Variants in ABHD6 observed in about 807,000 individuals in gnomAD.
ABHD6 encodes the protein abhydrolase domain containing 6, acylglycerol lipase.
Under a neutral mutation model 38.8 loss-of-function variants are expected in ABHD6, and 33 were observed. The ratio of observed to expected loss-of-function variants is 0.85; its 90% confidence interval spans 0.64 to 1.14. The LOEUF (loss-of-function observed/expected upper bound fraction) is 1.14. ABHD6 is among the 50% of genes most tolerant of loss of function. The probability of loss-of-function intolerance (pLI) is 0.00; values close to 1 mark genes in which losing one functional copy is unlikely to be tolerated. For synonymous variants in ABHD6, 147 were observed against 161.6 expected (o/e 0.91, Z 0.69); for missense variants, 380 against 422.6 (o/e 0.90, Z 0.88).
intron 1 of ABHD6, among the ~76,000 whole-genome samples, chr3:58,241,351 G>A (rs1325054869): frequency 6.6e-6 from 1 of 152,110 alleles, no homozygotes; most frequent in African/African-American, 2.4e-5. Context: ...GGCCACTTGG[G>A]GTGTTGCTGC....
At chr3:58,283,470 C>T (rs1222977465) in intron 7 of ABHD6, among the ~76,000 whole-genome samples, 1 of 152,182 alleles carries the variant, frequency 6.6e-6, no homozygotes, top group African/African-American at 2.4e-5. Flanking sequence ...GTTCTATCCC[C>T]AGACTTTAGC....
At chr3:58,254,944 C>T (rs1326639268) in intron 2 of ABHD6, among the ~76,000 whole-genome samples, 4 of 151,934 alleles carry the variant, frequency 2.6e-5, no homozygotes, top group African/African-American at 9.7e-5. Flanking sequence ...TCTTCAATGC[C>T]TGGCCTCAAG....
In ABHD6 at chr3:58,269,348, T is replaced by G. The variant is rs778512783; in HGVS notation, c.304T>G (p.Cys102Gly). Residue 102 changes from cysteine (C) to glycine (G), a missense_variant, in exon 5 of 10, where the codon TGC (cysteine) becomes GGC (glycine). Physicochemically the swap from Cys to Gly is radical, Grantham distance 159. Coordinates refer to ENST00000478253, the MANE Select transcript of ABHD6 (RefSeq NM_001320126.2). This position sits in a 1 kb window ranked among gnomAD's most constrained non-coding sequence, Gnocchi z 4.4. The stretch of plus-strand genomic sequence containing the variant: ...CCTTCCAAAGAACCTGCACTTGGTC[T>G]GCGTGGACATGCCAGGACATGAGGG... ...KFLPKNLHLV[C>G]VDMPGHEGTT... 9 of 1,613,944 alleles carry G rather than the reference T, an allele frequency of 5.6e-6. No homozygotes were observed. The highest frequency in any genetic ancestry group is 6.8e-6 in the Non-Finnish European group (8 of 1,179,872).
At chr3:58,286,731 T>G (rs1239096783) in intron 9 of ABHD6, among the ~76,000 whole-genome samples, 1 of 150,858 alleles carries the variant, frequency 6.6e-6, no homozygotes, top group Non-Finnish European at 1.5e-5. Context: ...ATATCTGAGC[T>G]TTCAAACATG....
chr3:58,273,640 C>T lies in ABHD6; in HGVS notation c.524-1018C>T, dbSNP rs566568557. On this transcript the variant is annotated intron_variant, in intron 6 of 9. Transcript: ENST00000478253. The surrounding 1 kb of genome is among the most constrained non-coding windows in gnomAD (Gnocchi z 4.8). Reference sequence around the variant, plus strand: ...AACACAGGAACAGAAAACCAAACACCGCATGTTCTCACTCATAAGTGCGAG... The same window carrying T: ...AACACAGGAACAGAAAACCAAACACTGCATGTTCTCACTCATAAGTGCGAG... Among the ~76,000 whole-genome samples the T allele has an allele frequency of 1.2e-4, 19 of 152,192 alleles. No individual in the cohort carries two copies. The highest frequency in any genetic ancestry group is 2.1e-4 in the Non-Finnish European group (14 of 68,008).
intron 7 of ABHD6, among the ~76,000 whole-genome samples, chr3:58,282,547 C>T (rs748759983): frequency 1.3e-5 from 2 of 151,956 alleles, no homozygotes; most frequent in African/African-American, 2.4e-5. Flanking sequence ...GCCTGGGCAA[C>T]GTGGTGAAGC....
At chr3:58,258,033 C>T (rs547721786) in intron 3 of ABHD6, among the ~76,000 whole-genome samples, 1 of 152,236 alleles carries the variant, frequency 6.6e-6, no homozygotes, top group East Asian at 1.9e-4. Flanking sequence ...AAGTGCCTGG[C>T]GCAGTGGCTC....
rs927940067 is a variant in ABHD6 at position 58,254,885 on chromosome 3, T to C, written c.-25-1677T>C. ...ACACACACACACACACACACACACA[T>C]ATATATATATAAAATAGAGATGAGG... On this transcript the variant is annotated intron_variant, in intron 2 of 9. Coordinates refer to ENST00000478253, the MANE Select transcript of ABHD6 (RefSeq NM_001320126.2). 6.0e-4 allele frequency among the ~76,000 whole-genome samples: 87 copies of C among 144,884 alleles called. 1 individual carries two copies. The highest frequency in any genetic ancestry group is 9.5e-4 in the Admixed American group (14 of 14,726).
At chr3:58,241,170 C>T (rs560543631) in intron 1 of ABHD6, among the ~76,000 whole-genome samples, 2 of 152,264 alleles carry the variant, frequency 1.3e-5, no homozygotes, top group East Asian at 3.9e-4. Context: ...TATATGGCCT[C>T]CAGTGTCACT....
chr3:58,245,470 C>T (rs1335038791), intron 1 of ABHD6, among the ~76,000 whole-genome samples: 4 of 151,830 alleles, frequency 2.6e-5, no homozygotes, highest in Non-Finnish European at 2.9e-5. Flanking sequence ...CTGGCCACTT[C>T]ACCTCATTTA....
Position 58,293,891 on chromosome 3 carries a change from G to C in ABHD6, c.*126G>C. 1 of 1,066,904 alleles carries C rather than the reference G, an allele frequency of 9.4e-7. No homozygotes were observed. The highest frequency in any genetic ancestry group is 2.8e-4 in the Middle Eastern group (1 of 3,580). 66.1% of individuals were successfully genotyped at this position (1,066,904 alleles called of 1,614,324 possible). A position where few individuals can be genotyped will look rare whatever the true frequency, so the allele number is the denominator to read the frequency against. Reference sequence around the variant, plus strand: ...AGCGCCAGTGACCCTGAGGAAGCCCGTCCCTTATCCCTGGTATCCACGGTT... The same window carrying C: ...AGCGCCAGTGACCCTGAGGAAGCCCCTCCCTTATCCCTGGTATCCACGGTT... On this transcript the variant is annotated 3_prime_UTR_variant, in exon 10 of 10. Coordinates refer to ENST00000478253, the MANE Select transcript of ABHD6 (RefSeq NM_001320126.2). This position sits in a 1 kb window ranked among gnomAD's most constrained non-coding sequence, Gnocchi z 4.4.
intron 7 of ABHD6, among the ~76,000 whole-genome samples, chr3:58,277,886 C>T (rs1222889797): frequency 2.6e-5 from 4 of 152,074 alleles, no homozygotes; most frequent in Admixed American, 2.6e-4. Context: ...GTTTGTCATT[C>T]GTTCTATTTA....
chr3:58,266,079 G>C lies in ABHD6; in HGVS notation c.120-1110G>C, dbSNP rs893240789. On this transcript the variant is annotated intron_variant, in intron 3 of 9. Transcript: ENST00000478253. The surrounding 1 kb of genome is among the most constrained non-coding windows in gnomAD (Gnocchi z 4.0). ...ATACGCTTGCCTTGCTGTAAGAAGAGCTTTTAAGCTAGCCAATGCTATTAT... is the reference window on the plus strand; with the variant it reads ...ATACGCTTGCCTTGCTGTAAGAAGACCTTTTAAGCTAGCCAATGCTATTAT... 6.6e-6 allele frequency among the ~76,000 whole-genome samples: 1 copy of C among 152,236 alleles called. No individual in the cohort carries two copies. The highest frequency in any genetic ancestry group is 2.4e-5 in the African/African-American group (1 of 41,462).
intron 6 of ABHD6, among the ~76,000 whole-genome samples, chr3:58,274,094 G>T (rs933021254): frequency 1.3e-5 from 2 of 152,126 alleles, no homozygotes; most frequent in African/African-American, 4.8e-5. Context: ...AGGCAGCAGG[G>T]TTGCTGCCCT....
chr3:58,258,453 T>A (rs758006852), intron 3 of ABHD6: 1 of 369,746 alleles, frequency 2.7e-6, no homozygotes, highest in Non-Finnish European at 5.6e-6. Flanking sequence ...TTTCTCCTTG[T>A]TGGAATCAGA....
Position 58,238,938 on chromosome 3 carries a change from G to T in ABHD6, c.-91+1022G>T, listed in dbSNP as rs2097420969. On this transcript the variant is annotated intron_variant, in intron 1 of 9. Transcript: ENST00000478253. The surrounding 1 kb of genome is among the most constrained non-coding windows in gnomAD (Gnocchi z 6.9). ...AGCTGACATAGAATAAGCAAATCTT[G>T]TGTGCCAGGCCCTGTCCTAAGCCCC... Among the ~76,000 whole-genome samples, 1 of 151,992 alleles carries T rather than the reference G, an allele frequency of 6.6e-6. No individual in the cohort carries two copies. Among genetic ancestry groups the T allele is most frequent in the South Asian group, 2.1e-4 (1 of 4,816 alleles).
At chr3:58,292,052 G>C (rs930340278) in intron 9 of ABHD6, among the ~76,000 whole-genome samples, 3 of 152,228 alleles carry the variant, frequency 2.0e-5, no homozygotes, top group South Asian at 2.1e-4. Context: ...CACAGTAGCT[G>C]GGTGTTATTC....
chr3:58,265,725 G>A lies in ABHD6; in HGVS notation c.120-1464G>A, dbSNP rs1392205830. 1.3e-5 allele frequency among the ~76,000 whole-genome samples: 2 copies of A among 152,184 alleles called. No individual in the cohort carries two copies. The highest frequency in any genetic ancestry group is 2.9e-5 in the Non-Finnish European group (2 of 68,032). ...TTTGGCTTATTGTTCTGGAGGTTGG[G>A]AAGCCCAAGAGAATGGCACCAATAT... On this transcript the variant is annotated intron_variant, in intron 3 of 9. Transcript: ENST00000478253. This position sits in a 1 kb window ranked among gnomAD's most constrained non-coding sequence, Gnocchi z 4.2.
At chr3:58,264,741 A>G (rs1024185154) in intron 3 of ABHD6, among the ~76,000 whole-genome samples, 3 of 152,096 alleles carry the variant, frequency 2.0e-5, no homozygotes, top group African/African-American at 7.2e-5. Context: ...AAGGGTGTTC[A>G]TATTTTTTCT....
Sources: allele counts gnomAD v4.1 joint callset (sites outside exome capture counted in the v4.1 genomes callset), GRCh38; gene constraint gnomAD v4.1.1; non-coding constraint Gnocchi (gnomAD v3.1); transcripts MANE v1.5; gene names NCBI Gene and HGNC (gene_info 2026-07-23, HGNC 2026-07-21).